Variants in USP28 observed in about 807,000 individuals in gnomAD.
The protein encoded by USP28 is ubiquitin specific peptidase 28, also known as ubiquitin carboxyl-terminal hydrolase 28.
Under a neutral mutation model 145.0 loss-of-function variants are expected in USP28, and 113 were observed. That is an observed-to-expected ratio of 0.78 (90% CI 0.67 to 0.91). USP28 has a LOEUF of 0.91. Among genes scored for constraint, USP28 ranks in the 40% least tolerant of loss-of-function variants. The probability of loss-of-function intolerance (pLI) is 0.00; values close to 1 mark genes in which losing one functional copy is unlikely to be tolerated. For missense variants in USP28, 1,201 were observed against 1,289.6 expected, an observed-to-expected ratio of 0.93 and a Z score of 1.05; for synonymous variants, 447 against 450.9, an observed-to-expected ratio of 0.99 and a Z score of 0.11.
intron 5 of USP28, among the ~76,000 whole-genome samples, chr11:113,838,418 A>G (rs1280395703): frequency 7.2e-5 from 11 of 151,988 alleles, no homozygotes; most frequent in African/African-American, 2.7e-4. Flanking sequence ...AGAATTCCCA[A>G]ATCTTCATCA....
chr11:113,854,286 T>C lies in USP28; in HGVS notation c.107A>G (p.Asp36Gly), dbSNP rs750355540. Residue 36 changes from aspartate (D) to glycine (G), a missense_variant, in exon 2 of 25, where the codon GAC (aspartate) becomes GGC (glycine). Asp to Gly is a moderately conservative substitution (Grantham distance 94). Transcript: ENST00000003302. ...CAGAGCTTCATGGAGAAAGGAAGGGTCCTGAATGCCTGTGATTTCTCTCAG... is the reference window on the plus strand; with the variant it reads ...CAGAGCTTCATGGAGAAAGGAAGGGCCCTGAATGCCTGTGATTTCTCTCAG... 3.7e-6 allele frequency: 6 copies of C among 1,613,962 alleles called. No individual in the cohort carries two copies. In the African/African-American group the frequency reaches 6.7e-5, roughly 18 times the overall value.
intron 3 of USP28, among the ~76,000 whole-genome samples, chr11:113,849,453 G>C (rs1209803201): frequency 1.3e-5 from 2 of 152,206 alleles, no homozygotes. Flanking sequence ...GAATTGAACA[G>C]TGATAAAAGC....
intron 5 of USP28, among the ~76,000 whole-genome samples, chr11:113,839,690 A>C (rs1324410402): frequency 6.6e-5 from 10 of 152,118 alleles, no homozygotes; most frequent in Admixed American, 5.2e-4. Context: ...GGAGTTCGAG[A>C]CCAACCTGGC....
chr11:113,812,472 A>G (rs1565350476), exon 16 of USP28: 1 of 1,614,116 alleles, frequency 6.2e-7, no homozygotes, highest in Non-Finnish European at 8.5e-7. Flanking sequence ...CTTGTCCTTC[A>G]TGAACAAGAA....
intron 12 of USP28, 89 bp from the exon 13 acceptor site, chr11:113,817,926 T>C (rs1941994916): frequency 7.2e-7 from 1 of 1,389,130 alleles, no homozygotes; most frequent in South Asian, 1.3e-5. Flanking sequence ...TCACAGCAAG[T>C]CAATGGAAAG....
At chr11:113,829,517 CA>C in intron 9 of USP28, 172 bp from the exon 10 acceptor site, 1 of 719,236 alleles carries the variant, frequency 1.4e-6, no homozygotes, top group Non-Finnish European at 2.2e-6. Flanking sequence ...AGACACTGAA[CA>C]ATGAAAACCA....
chr11:113,821,355 A>G (rs201329893), intron 12 of USP28: 2 of 228,656 alleles, frequency 8.7e-6, no homozygotes, highest in Non-Finnish European at 2.0e-5. Context: ...TGTGTCCAGC[A>G]TCTCACAGCC....
chr11:113,828,080 C>T (rs1943575729), intron 10 of USP28, among the ~76,000 whole-genome samples: 1 of 152,208 alleles, frequency 6.6e-6, no homozygotes, highest in Admixed American at 6.5e-5. Context: ...TCAGATTTGG[C>T]TTTTCTATTC....
At chr11:113,845,966 T>C (rs77843918) in intron 3 of USP28, among the ~76,000 whole-genome samples, 18,173 of 152,180 alleles carry the variant, frequency 0.12, 1,091 homozygotes, top group Middle Eastern at 0.18. Flanking sequence ...CAAATGTCCA[T>C]TAATGAATGG....
At chr11:113,826,586 T>TG (rs1252981206) in intron 11 of USP28, among the ~76,000 whole-genome samples, 1 of 151,696 alleles carries the variant, frequency 6.6e-6, no homozygotes, top group Non-Finnish European at 1.5e-5. Flanking sequence ...GGATTACAGA[T>TG]GTGAGCCACC....
exon 25 of USP28, chr11:113,799,111 A>G (rs1032513534): frequency 1.3e-5 from 13 of 1,010,534 alleles, no homozygotes; most frequent in Non-Finnish European, 1.9e-5. Context: ...CACATGCAGC[A>G]TGGTTGGGGT....
chr11:113,809,783 A>G (rs1240243777), intron 16 of USP28, among the ~76,000 whole-genome samples: 1 of 152,242 alleles, frequency 6.6e-6, no homozygotes, highest in African/African-American at 2.4e-5. Flanking sequence ...CTGTAATCCC[A>G]GCACTTTGGG....
At chr11:113,835,965 C>G (rs1944521547) in intron 5 of USP28, among the ~76,000 whole-genome samples, 1 of 152,182 alleles carries the variant, frequency 6.6e-6, no homozygotes, top group Non-Finnish European at 1.5e-5. Flanking sequence ...ATAGTCCCAG[C>G]TGCTCGGGAG....
chr11:113,847,443 C>T (rs1014291461), intron 3 of USP28, among the ~76,000 whole-genome samples: 50 of 12,394 alleles, frequency 4.0e-3, no homozygotes, highest in African/African-American at 0.019. Flanking sequence ...CTGCAAGAAA[C>T]GGGACGGGGG....
intron 12 of USP28, among the ~76,000 whole-genome samples, chr11:113,819,197 C>T (rs1942227109): frequency 2.0e-5 from 3 of 151,834 alleles, no homozygotes; most frequent in African/African-American, 7.2e-5. Context: ...ACTGCAACCT[C>T]TGCCTCCTGG....
At chr11:113,836,330 AC>A (rs766559919) in intron 5 of USP28, among the ~76,000 whole-genome samples, 1 of 152,082 alleles carries the variant, frequency 6.6e-6, no homozygotes, top group Non-Finnish European at 1.5e-5. Flanking sequence ...TTATAACCTA[AC>A]TGCTTTCTCC....
At position 113,800,196 on chromosome 11, in the gene USP28, G is replaced by A. The variant is rs982222139; in HGVS notation, c.3059-781C>T. ...AATTTTTTGTATTTTTAGTAGAGAC[G>A]GGGTTTCACCATGTGAGCCAGGATG... On this transcript the variant is annotated intron_variant, in intron 24 of 24. Transcript: ENST00000003302. 9.2e-5 allele frequency among the ~76,000 whole-genome samples: 14 copies of A among 152,156 alleles called. No homozygotes were observed. The East Asian group carries it at 1.7e-3, about 19-fold the overall frequency.
In USP28 at chr11:113,863,814, C is replaced by T. The variant is rs368479008; in HGVS notation, c.58-9479G>A. 1.7e-4 allele frequency among the ~76,000 whole-genome samples: 25 copies of T among 149,340 alleles called. No individual in the cohort carries two copies. In the East Asian group the frequency reaches 4.4e-3, roughly 26 times the overall value. On this transcript the variant is annotated intron_variant, in intron 1 of 24. Coordinates refer to ENST00000003302, the Ensembl canonical transcript of USP28. ...CAAAAAATTAGCCGGGCATGGTGGC[C>T]GGCGCCTGTAGTCCCAGCTACTCGG...
chr11:113,814,916 GT>G (rs1239819243), intron 14 of USP28, among the ~76,000 whole-genome samples: 1 of 151,752 alleles, frequency 6.6e-6, no homozygotes, highest in Non-Finnish European at 1.5e-5. Flanking sequence ...GCCAGGTGTG[GT>G]GGTACATGCC....
Sources: allele counts gnomAD v4.1 joint callset (sites outside exome capture counted in the v4.1 genomes callset), GRCh38; gene constraint gnomAD v4.1.1; transcripts MANE v1.5; gene names NCBI Gene and HGNC (gene_info 2026-07-23, HGNC 2026-07-21).